Variants in COL21A1 observed in about 807,000 individuals in gnomAD.
The protein encoded by COL21A1 is collagen alpha-1(XXI) chain.
In COL21A1, 149 loss-of-function variants were observed where a neutral mutation model predicts 137.9. That is an observed-to-expected ratio of 1.08 (90% CI 0.95 to 1.24). The LOEUF (loss-of-function observed/expected upper bound fraction) is 1.24, where lower values mean the gene tolerates loss of function less well. Among genes scored for constraint, COL21A1 ranks in the 50% most tolerant of loss-of-function variants. The probability of loss-of-function intolerance (pLI) is 0.00; values close to 1 mark genes in which losing one functional copy is unlikely to be tolerated. For missense variants in COL21A1, 1,167 were observed against 1,158.4 expected (o/e 1.01, Z -0.11); for synonymous variants, 456 against 391.5 (o/e 1.16, Z -1.95).
At chr6:56,284,540 C>G (rs1025970941) in intron 1 of COL21A1, among the ~76,000 whole-genome samples, 3 of 152,062 alleles carry the variant, frequency 2.0e-5, no homozygotes, top group African/African-American at 7.2e-5. Context: ...ATCTCCATCC[C>G]CAATGTCATT....
chr6:56,190,272 T>C (rs1035424055), intron 1 of COL21A1, among the ~76,000 whole-genome samples: 1 of 152,058 alleles, frequency 6.6e-6, no homozygotes, highest in Non-Finnish European at 1.5e-5. Context: ...ACCACTGATC[T>C]CACAGAAATA....
rs771765654 is a variant in COL21A1 at position 56,125,589 on chromosome 6, G to A, written c.1628C>T (p.Ser543Leu). 2.7e-5 allele frequency: 43 copies of A among 1,600,120 alleles called. No homozygotes were observed. Among genetic ancestry groups the A allele is most frequent in the Non-Finnish European group, 3.6e-5 (42 of 1,171,034 alleles). The part of the protein sequence containing the change: ...GEMGAKGDKG[S>L]PGFYGKKGAK... ...TCCCTTTTTGCCATAAAATCCAGGT[G>A]ATCCTTTGTCTCCTTTGGCACCCAT... is the stretch of plus-strand genomic sequence containing the variant. The change falls in exon 14 of 30, where the codon TCA becomes TTA. Residue 543 changes from serine to leucine, a missense_variant. Coordinates refer to ENST00000244728, the MANE Select transcript of COL21A1 (RefSeq NM_030820.4).
At chr6:56,084,457 G>C (rs1187431996) in intron 17 of COL21A1, among the ~76,000 whole-genome samples, 1 of 151,850 alleles carries the variant, frequency 6.6e-6, no homozygotes, top group Non-Finnish European at 1.5e-5. Context: ...AATTGTTACT[G>C]CTGGGAATGG....
intron 20 of COL21A1, among the ~76,000 whole-genome samples, chr6:56,071,254 G>A (rs1306254491): frequency 1.3e-5 from 2 of 151,654 alleles, no homozygotes; most frequent in Non-Finnish European, 3.0e-5. Flanking sequence ...GAAGAAGTGT[G>A]AATCAGAAAA....
intron 17 of COL21A1, among the ~76,000 whole-genome samples, chr6:56,086,414 T>C (rs1287467453): frequency 2.0e-5 from 3 of 151,036 alleles, no homozygotes; most frequent in Non-Finnish European, 4.4e-5. Flanking sequence ...ACATAAACAG[T>C]CAATTAATAC....
At position 56,112,680 on chromosome 6, in the gene COL21A1, C is replaced by CTTTTTTT. The variant is rs777172358; in HGVS notation, c.1759-11156_1759-11155insAAAAAAA. ...CACAGAAGAAGTTTTTTTTTCTTTT[C>CTTTTTTT]TTTTTTCTTTTTTTTTTTTTTGAGA... On this transcript the variant is annotated intron_variant, in intron 16 of 29. Coordinates refer to ENST00000244728, the MANE Select transcript of COL21A1 (RefSeq NM_030820.4). Among the ~76,000 whole-genome samples the CTTTTTTT allele has an allele frequency of 5.4e-5, 7 of 129,678 alleles. 1 individual carries two copies. Among genetic ancestry groups the CTTTTTTT allele is most frequent in the East Asian group, 2.3e-4 (1 of 4,304 alleles). 85.1% of individuals were successfully genotyped at this position (129,678 alleles called of 152,430 possible).
intron 1 of COL21A1, among the ~76,000 whole-genome samples, chr6:56,288,737 C>G (rs1221157049): frequency 6.6e-6 from 1 of 152,216 alleles, no homozygotes; most frequent in Non-Finnish European, 1.5e-5. Flanking sequence ...TAATGATTAG[C>G]TGCCATTCAC....
At chr6:56,124,583 G>T (rs12203922) in intron 14 of COL21A1, among the ~76,000 whole-genome samples, 22,860 of 152,150 alleles carry the variant, frequency 0.15, 1,752 homozygotes, top group Middle Eastern at 0.22. Context: ...TTCCCTCAGT[G>T]TGAGGAACTA....
At chr6:56,223,714 T>A (rs888692091) in intron 1 of COL21A1, among the ~76,000 whole-genome samples, 5 of 152,138 alleles carry the variant, frequency 3.3e-5, no homozygotes, top group Non-Finnish European at 4.4e-5. Context: ...GTAAACTACC[T>A]TTAAATCAAA....
At chr6:56,078,052 A>G (rs778367918) in intron 17 of COL21A1, 11 of 455,410 alleles carry the variant, frequency 2.4e-5, no homozygotes, top group South Asian at 9.3e-5. Context: ...CTAAATATTC[A>G]TATAAAAAAT....
At chr6:56,344,222 GT>G (rs1765537252) in intron 1 of COL21A1, among the ~76,000 whole-genome samples, 1 of 152,148 alleles carries the variant, frequency 6.6e-6, no homozygotes, top group Non-Finnish European at 1.5e-5. Flanking sequence ...TTTACCCACA[GT>G]ATGCCTGCCA....
intron 1 of COL21A1, among the ~76,000 whole-genome samples, chr6:56,355,519 A>T (rs899448057): frequency 6.6e-6 from 1 of 152,254 alleles, no homozygotes; most frequent in Admixed American, 6.5e-5. Context: ...CCTGCCTCCA[A>T]AAAACCTGTA....
intron 1 of COL21A1, among the ~76,000 whole-genome samples, chr6:56,271,926 CTT>C (rs35548730): frequency 0.26 from 39,473 of 152,096 alleles, 6,372 homozygotes; most frequent in East Asian, 0.67. Flanking sequence ...GGAGCCTCCA[CTT>C]TGATATCGGA....
At chr6:56,254,017 A>G (rs369039767) in intron 1 of COL21A1, among the ~76,000 whole-genome samples, 19 of 152,182 alleles carry the variant, frequency 1.2e-4, no homozygotes, top group African/African-American at 4.6e-4. Flanking sequence ...GACTACTTGG[A>G]GATAATTATT....
At chr6:56,315,248 G>A (rs1352424947) in intron 1 of COL21A1, among the ~76,000 whole-genome samples, 2 of 152,200 alleles carry the variant, frequency 1.3e-5, no homozygotes, top group African/African-American at 2.4e-5. Context: ...ACCTGTGAGA[G>A]CTTCCTTGCC....
At chr6:56,284,857 C>T (rs945890678) in intron 1 of COL21A1, among the ~76,000 whole-genome samples, 2 of 152,172 alleles carry the variant, frequency 1.3e-5, no homozygotes, top group Middle Eastern at 3.2e-3. Flanking sequence ...GCTTTTCTGA[C>T]TTCCTGGGTC....
chr6:56,288,560 C>T (rs919829063), intron 1 of COL21A1, among the ~76,000 whole-genome samples: 2 of 152,186 alleles, frequency 1.3e-5, no homozygotes, highest in Admixed American at 1.3e-4. Context: ...ACACTTACCT[C>T]CTAAGGGCCA....
chr6:56,059,489 T>C (rs2114023520), intron 28 of COL21A1, among the ~76,000 whole-genome samples: 1 of 152,330 alleles, frequency 6.6e-6, no homozygotes, highest in East Asian at 1.9e-4. Context: ...TATTAGCCCT[T>C]TGTGTTAATC....
At chr6:56,285,633 T>G (rs1665671072) in intron 1 of COL21A1, among the ~76,000 whole-genome samples, 1 of 152,206 alleles carries the variant, frequency 6.6e-6, no homozygotes, top group African/African-American at 2.4e-5. Flanking sequence ...TATATTAAAT[T>G]GGTATAGTCT....
Sources: allele counts gnomAD v4.1 joint callset (sites outside exome capture counted in the v4.1 genomes callset), GRCh38; gene constraint gnomAD v4.1.1; transcripts MANE v1.5; gene names NCBI Gene and HGNC (gene_info 2026-07-23, HGNC 2026-07-21).